The following ZNF490 variants were observed in gnomAD, a reference collection of about 807,000 sequenced individuals.
ZNF490 encodes zinc finger protein 490.
A neutral mutation model predicts 17.7 loss-of-function variants in ZNF490; 11 were observed. The ratio of observed to expected loss-of-function variants is 0.62; its 90% CI spans 0.39 to 1.03. The LOEUF (loss-of-function observed/expected upper bound fraction) is 1.03, where lower values mean the gene tolerates loss of function less well. ZNF490 is among the 50% of genes least tolerant of loss of function. The pLI is 0.00. For synonymous variants in ZNF490, 222 were observed against 216.1 expected (o/e 1.03, Z -0.24); for missense variants, 542 against 643.4 (o/e 0.84, Z 1.71).
rs139961610 is a variant in ZNF490, at chr19:12,592,558, G to A, written c.163-9002C>T. ...AAAGGCTTTTGACTGTCAAGAATTT[G>A]GGAAGAGGGAGGGACTAATGAATAG... On this transcript the variant is annotated intron_variant, in intron 2 of 4. Transcript: ENST00000311437. Among the ~76,000 whole-genome samples, 906 of 152,238 alleles carry A rather than the reference G, an allele frequency of 6.0e-3. 4 individuals are homozygous for A. The highest frequency in any genetic ancestry group is 0.014 in the South Asian group (69 of 4,830).
rs2022672270 is a variant in ZNF490, at chr19:12,578,247, G to A, written c.*2238C>T. On this transcript the variant is annotated 3_prime_UTR_variant, in exon 5 of 5. Coordinates refer to ENST00000311437, the MANE Select transcript of ZNF490 (RefSeq NM_020714.3). Reference sequence around the variant, plus strand: ...AGGGTAGAATGTGCCAGAAAACAGGGAAAGCAAGTTAGGGGAGGTAAGAAT... The same window carrying A: ...AGGGTAGAATGTGCCAGAAAACAGGAAAAGCAAGTTAGGGGAGGTAAGAAT... 1.0e-6 allele frequency: 1 copy of A among 985,578 alleles called. No homozygotes were observed. The highest frequency in any genetic ancestry group is 1.2e-6 in the Non-Finnish European group (1 of 830,054). 61.1% of individuals were successfully genotyped at this position (985,578 alleles called of 1,614,324 possible).
chr19:12,593,897 G>A (rs2022901096), intron 2 of ZNF490, among the ~76,000 whole-genome samples: 1 of 152,210 alleles, frequency 6.6e-6, no homozygotes, highest in Admixed American at 6.5e-5. Flanking sequence ...CCTGCAGAGA[G>A]GATATGCTGA....
intron 2 of ZNF490, among the ~76,000 whole-genome samples, chr19:12,605,843 T>C (rs898691079): frequency 1.3e-5 from 2 of 152,156 alleles, no homozygotes; most frequent in Non-Finnish European, 2.9e-5. Context: ...CCTATCCCTT[T>C]AAGAAAAGTG....
chr19:12,610,262 C>T (rs1364459035), intron 1 of ZNF490, among the ~76,000 whole-genome samples: 5 of 149,984 alleles, frequency 3.3e-5, no homozygotes, highest in Non-Finnish European at 5.9e-5. Flanking sequence ...TGAACTCAAA[C>T]TCCTGGAGTC....
At position 12,610,732 on chromosome 19, in the gene ZNF490, A is replaced by G; in HGVS notation, c.-52T>C. The G allele has an allele frequency of 6.4e-7, 1 of 1,557,066 alleles. No homozygotes were observed. ...CAGGAAGACTTCCGTGTCCGACCCG[A>G]GATCCGGAACAATTTCTGCTTCAAC... On this transcript the variant is annotated 5_prime_UTR_variant, in exon 1 of 5. Coordinates refer to ENST00000311437, the MANE Select transcript of ZNF490 (RefSeq NM_020714.3).
rs2022725554 is a variant in ZNF490 at position 12,581,035 on chromosome 19, G to C, written c.1040C>G (p.Ser347Ter). 1 of 1,613,906 alleles carries C rather than the reference G, an allele frequency of 6.2e-7. No individual in the cohort carries two copies. The highest frequency in any genetic ancestry group is 8.5e-7 in the Non-Finnish European group (1 of 1,179,956). ...RECGRAFFSH[S>*]SLRKHVKTHT... ...GGTTTTCACGTGTTTTCGAAGGCTT[G>C]AGTGAGAAAAGAAGGCTCTCCCACA... The change falls in exon 5 of 5, where the codon TCA becomes TGA. Residue 347 changes from serine to a stop codon, truncating the protein, a stop_gained. Transcript: ENST00000311437. LOFTEE classifies it low-confidence loss of function (END_TRUNC).
At chr19:12,582,227 G>A (rs1013362611) in intron 4 of ZNF490, among the ~76,000 whole-genome samples, 4 of 151,218 alleles carry the variant, frequency 2.6e-5, no homozygotes, top group African/African-American at 9.7e-5. Context: ...GTTTCATAGT[G>A]ATTTCTTCTC....
At chr19:12,610,016 C>T in intron 1 of ZNF490, 1 of 435,540 alleles carries the variant, frequency 2.3e-6, no homozygotes, top group Non-Finnish European at 4.5e-6. Context: ...TAAAAACATG[C>T]TTAAACTAAA....
rs2145173483 is a variant in ZNF490 at position 12,610,742 on chromosome 19, C to A, written c.-62G>T. On this transcript the variant is annotated 5_prime_UTR_variant, in exon 1 of 5. Coordinates refer to ENST00000311437, the MANE Select transcript of ZNF490 (RefSeq NM_020714.3). ...TCCGTGTCCGACCCGAGATCCGGAACAATTTCTGCTTCAACACAATTGTCC... is the reference window on the plus strand; with the variant it reads ...TCCGTGTCCGACCCGAGATCCGGAAAAATTTCTGCTTCAACACAATTGTCC... 2 of 1,521,118 alleles carry A rather than the reference C, an allele frequency of 1.3e-6. No homozygotes were observed. The highest frequency in any genetic ancestry group is 2.2e-5 in the East Asian group (1 of 44,450). 94.2% of individuals were successfully genotyped at this position (1,521,118 alleles called of 1,614,324 possible). A position where few individuals can be genotyped will look rare whatever the true frequency, so the allele number is the denominator to read the frequency against.
chr19:12,597,305 C>G (rs1301136600), intron 2 of ZNF490: 2 of 414,488 alleles, frequency 4.8e-6, no homozygotes, highest in African/African-American at 4.1e-5. Context: ...CACGCGCATT[C>G]AGAGCTAGGG....
intron 2 of ZNF490, among the ~76,000 whole-genome samples, chr19:12,584,435 CG>C (rs1225681087): frequency 1.1e-5 from 1 of 94,550 alleles, no homozygotes; most frequent in Admixed American, 9.8e-5. Flanking sequence ...GGATTACAGG[CG>C]TGAGCCACCG....
chr19:12,580,695 G>A lies in ZNF490; in HGVS notation c.1380C>T (p.His460=), dbSNP rs376032343. The change falls in exon 5 of 5, where the codon CAC becomes CAT. Residue 460 remains histidine, a synonymous_variant. Transcript: ENST00000311437. ...QCGRVFIYFS[H]LRRHERSHTG... ...TGTGACTTCTTTCGTGCCTTCGAAG[G>A]TGACTGAAGTAAATGAAGACCCGAC... 6.2e-7 allele frequency: 1 copy of A among 1,614,120 alleles called. No homozygotes were observed. Among genetic ancestry groups the A allele is most frequent in the Admixed American group, 1.7e-5 (1 of 60,018 alleles).
intron 2 of ZNF490, 46 bp from the exon 3 acceptor site, chr19:12,583,602 A>G (rs1293909966): frequency 2.0e-6 from 3 of 1,513,278 alleles, no homozygotes; most frequent in South Asian, 1.2e-5. Flanking sequence ...AGAGATTCGC[A>G]GTAGTGAGGA....
intron 3 of ZNF490, 135 bp downstream of exon 3, chr19:12,583,295 T>C: frequency 9.6e-7 from 1 of 1,045,948 alleles, no homozygotes; most frequent in East Asian, 3.0e-5. Flanking sequence ...CGCCTCAGCC[T>C]CCCAAAGCAC....
At position 12,580,297 on chromosome 19, in the gene ZNF490, G is replaced by T; in HGVS notation, c.*188C>A. On this transcript the variant is annotated 3_prime_UTR_variant, in exon 5 of 5. Coordinates refer to ENST00000311437, the MANE Select transcript of ZNF490 (RefSeq NM_020714.3). ...CATTCACATATCTGCAATCCCGCAG[G>T]AGAGTGCAAGTTCCTCCCCCATTTG... 1 of 1,391,342 alleles carries T rather than the reference G, an allele frequency of 7.2e-7. No individual in the cohort carries two copies. The highest frequency in any genetic ancestry group is 9.3e-7 in the Non-Finnish European group (1 of 1,076,320). The allele number at this position is 1,391,342 out of a possible 1,614,324, so 86.2% of individuals were successfully genotyped here.
rs869155600 is a variant in ZNF490 at position 12,577,506 on chromosome 19, TAAATGTTCCTGGTGAGAGAAGCG to T, written c.*2956_*2978del. ...AATGTTCCAACCCCTCATACTACCATAAATGTTCCTGGTGAGAGAAGCGAATGTTCCTGGTGAGAGAAGCGAAG... is the reference window on the plus strand; with the variant it reads ...AATGTTCCAACCCCTCATACTACCATAATGTTCCTGGTGAGAGAAGCGAAG... On this transcript the variant is annotated 3_prime_UTR_variant, in exon 5 of 5. Coordinates refer to ENST00000311437, the MANE Select transcript of ZNF490 (RefSeq NM_020714.3). 23 of 984,022 alleles carry T rather than the reference TAAATGTTCCTGGTGAGAGAAGCG, an allele frequency of 2.3e-5. No homozygotes were observed. The highest frequency in any genetic ancestry group is 2.8e-5 in the Non-Finnish European group (23 of 829,738). 61.0% of individuals were successfully genotyped at this position (984,022 alleles called of 1,614,324 possible).
At position 12,591,405 on chromosome 19, in the gene ZNF490, A is replaced by G. The variant is rs375999484; in HGVS notation, c.163-7849T>C. ...CATCCCCGCCGCCCCCCCAAAAAAG[A>G]GTCCTGCTCTGGGAAAGACCATGTT... On this transcript the variant is annotated intron_variant, in intron 2 of 4. Coordinates refer to ENST00000311437, the MANE Select transcript of ZNF490 (RefSeq NM_020714.3). 6.8e-4 allele frequency among the ~76,000 whole-genome samples: 103 copies of G among 152,190 alleles called. 1 individual carries two copies. Among genetic ancestry groups the G allele is most frequent in the African/African-American group, 2.3e-3 (95 of 41,538 alleles).
At chr19:12,600,504 A>T (rs571840393) in intron 2 of ZNF490, among the ~76,000 whole-genome samples, 2 of 152,186 alleles carry the variant, frequency 1.3e-5, no homozygotes, top group Non-Finnish European at 2.9e-5. Context: ...TCTTTGGACT[A>T]TATCTGTATA....
chr19:12,584,924 GT>G lies in ZNF490; in HGVS notation c.163-1369del, dbSNP rs1235425249. On this transcript the variant is annotated intron_variant, in intron 2 of 4. Coordinates refer to ENST00000311437, the MANE Select transcript of ZNF490 (RefSeq NM_020714.3). ...CTGTCTCATTTCATGGGTCTAGGAG[GT>G]TATTGGAAAGAAAGCACAGCAACTT... Among the ~76,000 whole-genome samples, 2 of 94,074 alleles carry G rather than the reference GT, an allele frequency of 2.1e-5. 1 individual carries two copies. The highest frequency in any genetic ancestry group is 5.7e-5 in the Non-Finnish European group (2 of 35,028). The allele number at this position is 94,074 out of a possible 152,430, so 61.7% of individuals were successfully genotyped here. A position where few individuals can be genotyped will look rare whatever the true frequency, so the allele number is the denominator to read the frequency against.
Sources: allele counts gnomAD v4.1 joint callset (sites outside exome capture counted in the v4.1 genomes callset), GRCh38; gene constraint gnomAD v4.1.1; transcripts MANE v1.5; gene names NCBI Gene and HGNC (gene_info 2026-07-23, HGNC 2026-07-21).